CRISPLD2: variants seen among roughly 807,000 people sequenced by gnomAD.
CRISPLD2 encodes cysteine rich secretory protein LCCL domain containing 2, also known as cysteine-rich secretory protein LCCL domain-containing 2.
A neutral mutation model predicts 71.1 loss-of-function variants in CRISPLD2; 47 were observed. The observed-to-expected ratio is 0.66, with a 90% CI of 0.52 to 0.84. The LOEUF (loss-of-function observed/expected upper bound fraction) is 0.84, where lower values mean the gene tolerates loss of function less well. CRISPLD2 is among the 40% of genes least tolerant of loss of function. CRISPLD2 has a pLI of 0.00. For missense variants in CRISPLD2, 830 were observed against 651.1 expected, an observed-to-expected ratio of 1.27 and a Z score of -2.99; for synonymous variants, 317 against 250.1, an observed-to-expected ratio of 1.27 and a Z score of -2.52.
At chr16:84,834,002 T>C (rs1267043957) in intron 1 of CRISPLD2, among the ~76,000 whole-genome samples, 2 of 152,202 alleles carry the variant, frequency 1.3e-5, no homozygotes, top group Admixed American at 1.3e-4. Context: ...GGAAGCCCAC[T>C]CCGTGGGAGG....
At chr16:84,883,752 A>T (rs1003405029) in intron 13 of CRISPLD2, among the ~76,000 whole-genome samples, 2 of 152,004 alleles carry the variant, frequency 1.3e-5, no homozygotes, top group African/African-American at 4.8e-5. Context: ...GGTGGTGACT[A>T]TGACAATCAT....
At chr16:84,835,523 C>G (rs1193379328) in intron 1 of CRISPLD2, among the ~76,000 whole-genome samples, 1 of 152,180 alleles carries the variant, frequency 6.6e-6, no homozygotes, top group African/African-American at 2.4e-5. Context: ...GGGCTGAAGT[C>G]AAACCCAACC....
chr16:84,866,928 C>T lies in CRISPLD2; in HGVS notation c.741C>T (p.Asp247=), dbSNP rs199707289. ...CCTACACTCCAAAACCTGAAACGGA[C>T]GAGATGAATGAGGTGGAAACGGCTC... ...EETYTPKPET[D]EMNEVETAPI... Residue 247 remains aspartate, a synonymous_variant, in exon 7 of 15, where the codon GAC becomes GAT. Transcript: ENST00000262424. 2.8e-5 allele frequency: 45 copies of T among 1,613,896 alleles called. No individual in the cohort carries two copies. The highest frequency in any genetic ancestry group is 2.5e-4 in the African/African-American group (19 of 74,872).
chr16:84,875,549 T>C (rs375909742), intron 11 of CRISPLD2, among the ~76,000 whole-genome samples: 14 of 151,196 alleles, frequency 9.3e-5, no homozygotes, highest in Admixed American at 5.3e-4. Context: ...GCTTTTTTTA[T>C]TTTATTTTTT....
At chr16:84,898,263 C>T (rs771496897) in intron 14 of CRISPLD2, among the ~76,000 whole-genome samples, 55 of 152,164 alleles carry the variant, frequency 3.6e-4, no homozygotes, top group Non-Finnish European at 7.3e-4. Context: ...AAAGTCAGCA[C>T]ATCCTTTCCT....
At chr16:84,856,892 A>G (rs893787678) in intron 6 of CRISPLD2, among the ~76,000 whole-genome samples, 5 of 152,222 alleles carry the variant, frequency 3.3e-5, no homozygotes, top group Non-Finnish European at 5.9e-5. Flanking sequence ...GTGGAATACT[A>G]TGACGGTGGA....
rs186808248 is a variant in CRISPLD2, at chr16:84,906,125, C to T, written c.1440-463C>T. Among the ~76,000 whole-genome samples the T allele has an allele frequency of 5.3e-5, 8 of 152,120 alleles. No homozygotes were observed. The East Asian group carries it at 1.2e-3, about 22-fold the overall frequency. On this transcript the variant is annotated intron_variant, in intron 14 of 14. Transcript: ENST00000262424. ...AAATCTCTTTATTTCCTGGTGTCTC[C>T]GTTTCCTCCCCTGTGAACGAGCGAT...
intron 11 of CRISPLD2, among the ~76,000 whole-genome samples, chr16:84,875,414 CTTTTTTTTTTTT>C (rs34028519): frequency 1.1e-5 from 1 of 87,772 alleles, no homozygotes; most frequent in Non-Finnish European, 2.0e-5. Context: ...TATGCATGGA[CTTTTTTTTTTTT>C]TTTTTTTTTT....
chr16:84,831,485 C>T (rs1021100990), intron 1 of CRISPLD2, among the ~76,000 whole-genome samples: 21 of 152,144 alleles, frequency 1.4e-4, no homozygotes, highest in African/African-American at 5.1e-4. Context: ...TCTGCATCTC[C>T]CAGGCTCAAG....
intron 13 of CRISPLD2, among the ~76,000 whole-genome samples, chr16:84,887,833 G>A (rs1365485356): frequency 1.3e-5 from 2 of 152,132 alleles, no homozygotes; most frequent in East Asian, 1.9e-4. Context: ...CTGAGATTGC[G>A]CCATTGCACT....
intron 14 of CRISPLD2, among the ~76,000 whole-genome samples, chr16:84,890,906 A>G (rs888189181): frequency 2.0e-5 from 3 of 152,208 alleles, no homozygotes; most frequent in African/African-American, 7.2e-5. Context: ...AGCTGGGATT[A>G]CAGGCATGCA....
intron 13 of CRISPLD2, among the ~76,000 whole-genome samples, chr16:84,887,930 C>T (rs1421069400): frequency 1.3e-5 from 2 of 152,186 alleles, no homozygotes; most frequent in East Asian, 1.9e-4. Flanking sequence ...ACTTAAGGGA[C>T]TTAATAAATC....
At chr16:84,889,981 A>T (rs1041935191) in intron 14 of CRISPLD2, among the ~76,000 whole-genome samples, 1 of 152,102 alleles carries the variant, frequency 6.6e-6, no homozygotes, top group African/African-American at 2.4e-5. Flanking sequence ...CAGTTTTCTC[A>T]TCTGTGAAAT....
chr16:84,882,371 A>AAT (rs368239840), intron 13 of CRISPLD2, among the ~76,000 whole-genome samples: 1,301 of 114,000 alleles, frequency 0.011, 29 homozygotes, highest in African/African-American at 0.04. Context: ...AAAAAAAAAA[A>AAT]GCAAGAACTT....
intron 6 of CRISPLD2, 53 bp from the exon 7 acceptor site, chr16:84,866,844 G>A (rs1169558725): frequency 1.9e-5 from 30 of 1,559,016 alleles, no homozygotes; most frequent in Non-Finnish European, 2.0e-5. Context: ...CCCAAAGTGC[G>A]TTTTTGTTGA....
chr16:84,875,257 ATGTGTGTG>A (rs138882523), intron 11 of CRISPLD2, among the ~76,000 whole-genome samples: 1 of 148,220 alleles, frequency 6.7e-6, no homozygotes, highest in Non-Finnish European at 1.5e-5. Flanking sequence ...ATATATACAT[ATGTGTGTG>A]TGTGTGTGTG....
At chr16:84,826,181 G>T (rs1413868854) in intron 1 of CRISPLD2, among the ~76,000 whole-genome samples, 1 of 152,218 alleles carries the variant, frequency 6.6e-6, no homozygotes, top group Admixed American at 6.5e-5. Flanking sequence ...GTGGAGCTGT[G>T]TGGACGGTTC....
At chr16:84,827,965 T>C (rs2143140899) in intron 1 of CRISPLD2, among the ~76,000 whole-genome samples, 1 of 152,272 alleles carries the variant, frequency 6.6e-6, no homozygotes, top group South Asian at 2.1e-4. Flanking sequence ...CATCCGTGTG[T>C]CCGGGATGTC....
rs144880607 is a variant in CRISPLD2, at chr16:84,889,292, C to T, written c.1368C>T (p.Asp456=). The change falls in exon 14 of 15, where the codon GAC becomes GAT. Residue 456 remains aspartate (D), a synonymous_variant. Transcript: ENST00000262424. ...AGVISNESGG[D]VDVMPVDKKK... is the part of the protein sequence containing the mutation. Reference sequence around the variant, plus strand: ...TCATCAGCAACGAGAGTGGGGGTGACGTGGACGTGATGCCCGTGGATAAAA... The same window carrying T: ...TCATCAGCAACGAGAGTGGGGGTGATGTGGACGTGATGCCCGTGGATAAAA... The T allele has an allele frequency of 3.7e-5, 60 of 1,613,896 alleles. No individual in the cohort carries two copies. Among genetic ancestry groups the T allele is most frequent in the African/African-American group, 1.6e-4 (12 of 74,874 alleles).
Sources: gnomAD v4.1 joint callset for allele counts (sites outside exome capture counted in the v4.1 genomes callset) on GRCh38, gnomAD v4.1.1 for gene constraint, MANE v1.5 for transcripts, NCBI Gene and HGNC (gene_info 2026-07-23, HGNC 2026-07-21) for gene names.